PTPRN2: variants seen among roughly 807,000 people sequenced by gnomAD.
PTPRN2 encodes protein tyrosine phosphatase receptor type N2, also known as receptor-type tyrosine-protein phosphatase N2.
PTPRN2 carries 74 observed loss-of-function variants against 118.8 expected under a neutral mutation model. The observed-to-expected ratio is 0.62, with a 90% confidence interval of 0.52 to 0.76. The LOEUF (loss-of-function observed/expected upper bound fraction) is 0.76, where lower values mean the gene tolerates loss of function less well. Among genes scored for constraint, PTPRN2 ranks in the 30% least tolerant of loss-of-function variants. PTPRN2 has a pLI of 0.00. For synonymous variants in PTPRN2, 641 were observed against 608.0 expected (o/e 1.05, Z -0.80); for missense variants, 1,481 against 1,394.4 (o/e 1.06, Z -0.99).
At chr7:158,510,091 TGA>T (rs1199738642) in intron 1 of PTPRN2, among the ~76,000 whole-genome samples, 1 of 152,216 alleles carries the variant, frequency 6.6e-6, no homozygotes, top group Non-Finnish European at 1.5e-5. Flanking sequence ...GGAGACACCC[TGA>T]GAGAGACACC....
At chr7:158,564,331 A>G (rs1827550629) in intron 1 of PTPRN2, among the ~76,000 whole-genome samples, 1 of 152,274 alleles carries the variant, frequency 6.6e-6, no homozygotes, top group African/African-American at 2.4e-5. Context: ...GTTTGTAAGG[A>G]AAATTCCTAG....
At chr7:158,477,788 C>T (rs888291767) in intron 2 of PTPRN2, among the ~76,000 whole-genome samples, 30 of 152,236 alleles carry the variant, frequency 2.0e-4, no homozygotes, top group Admixed American at 1.2e-3. Context: ...TTCAGCCTGG[C>T]CTGGGATGTG....
chr7:158,171,238 T>TATATAC lies in PTPRN2; in HGVS notation c.550-3948_550-3947insGTATAT, dbSNP rs1563555147. Among the ~76,000 whole-genome samples, 216 of 63,938 alleles carry TATATAC rather than the reference T, an allele frequency of 3.4e-3. 19 individuals carry two copies. Among genetic ancestry groups the TATATAC allele is most frequent in the African/African-American group, 0.011 (190 of 17,956 alleles). The allele number at this position is 63,938 out of a possible 152,430, so 41.9% of individuals were successfully genotyped here. A position where few individuals can be genotyped will look rare whatever the true frequency, so the allele number is the denominator to read the frequency against. ...ACACACATATATACACACATATATA[T>TATATAC]ACACATATATACACACATATATATA... On this transcript the variant is annotated intron_variant, in intron 5 of 22. Transcript: ENST00000389418.
rs1418489882 is a variant in PTPRN2 at position 158,335,333 on chromosome 7, C to A, written c.164-18401G>T. On this transcript the variant is annotated intron_variant, in intron 2 of 22. Coordinates refer to ENST00000389418, the MANE Select transcript of PTPRN2 (RefSeq NM_002847.5). ...GAGGACACTCACACCCATACTCTCA[C>A]CATAAGAGGTGACACCTGCAGATAT... 3.5e-4 allele frequency among the ~76,000 whole-genome samples: 6 copies of A among 17,378 alleles called. 2 individuals carry two copies. The highest frequency in any genetic ancestry group is 1.1e-3 in the Non-Finnish European group (6 of 5,502). The allele number at this position is 17,378 out of a possible 152,430, so 11.4% of individuals were successfully genotyped here. A position where few individuals can be genotyped will look rare whatever the true frequency, so the allele number is the denominator to read the frequency against.
chr7:158,184,903 C>T (rs1355928368), intron 5 of PTPRN2, among the ~76,000 whole-genome samples: 1 of 152,196 alleles, frequency 6.6e-6, no homozygotes, highest in African/African-American at 2.4e-5. Flanking sequence ...AAGTGGAAAG[C>T]ATTCAGCCCT....
intron 2 of PTPRN2, among the ~76,000 whole-genome samples, chr7:158,432,285 A>C (rs934350154): frequency 6.6e-6 from 1 of 152,240 alleles, no homozygotes; most frequent in Non-Finnish European, 1.5e-5. Flanking sequence ...GGGCGAAAGC[A>C]CCGGGCGCTC....
chr7:157,835,373 T>C (rs1807860039), intron 12 of PTPRN2, among the ~76,000 whole-genome samples: 1 of 152,050 alleles, frequency 6.6e-6, no homozygotes, highest in Non-Finnish European at 1.5e-5. Flanking sequence ...TGTGAGGAAA[T>C]TAAAACTACA....
At chr7:158,461,692 C>G (rs1203513253) in intron 2 of PTPRN2, among the ~76,000 whole-genome samples, 1 of 152,192 alleles carries the variant, frequency 6.6e-6, no homozygotes, top group Admixed American at 6.5e-5. Flanking sequence ...GAGCATTTCC[C>G]GGAACCATGG....
At chr7:158,050,926 A>C (rs1161691858) in intron 11 of PTPRN2, among the ~76,000 whole-genome samples, 2 of 152,160 alleles carry the variant, frequency 1.3e-5, no homozygotes, top group African/African-American at 2.4e-5. Context: ...TGCTCTCCCC[A>C]CGGCAGGAGT....
At chr7:158,396,654 T>A (rs1449040979) in intron 2 of PTPRN2, among the ~76,000 whole-genome samples, 1 of 150,186 alleles carries the variant, frequency 6.7e-6, no homozygotes, top group African/African-American at 2.5e-5. Context: ...TCTCACAGGG[T>A]AGGCTTGTGT....
chr7:157,890,442 C>T (rs1327774900), intron 12 of PTPRN2, among the ~76,000 whole-genome samples: 1 of 152,132 alleles, frequency 6.6e-6, no homozygotes, highest in Non-Finnish European at 1.5e-5. Flanking sequence ...GACATCAAAA[C>T]CATCCTGGCT....
intron 11 of PTPRN2, among the ~76,000 whole-genome samples, chr7:157,979,814 A>G (rs12111664): frequency 0.06 from 9,075 of 152,284 alleles, 315 homozygotes; most frequent in South Asian, 0.14. Flanking sequence ...ATGCACAGGC[A>G]TAAGAGGTCC....
chr7:158,530,500 A>G (rs978486385), intron 1 of PTPRN2, among the ~76,000 whole-genome samples: 1 of 152,160 alleles, frequency 6.6e-6, no homozygotes, highest in Non-Finnish European at 1.5e-5. Flanking sequence ...GCACTGGGAC[A>G]GGGAGCTCTG....
At chr7:157,972,060 A>G (rs1802370905) in intron 11 of PTPRN2, among the ~76,000 whole-genome samples, 1 of 152,200 alleles carries the variant, frequency 6.6e-6, no homozygotes. Context: ...CAGAGGGCAA[A>G]TCGTGCGCTG....
At chr7:157,636,073 T>G (rs1585146494) in intron 14 of PTPRN2, among the ~76,000 whole-genome samples, 1 of 152,350 alleles carries the variant, frequency 6.6e-6, no homozygotes, top group South Asian at 2.1e-4. Context: ...ATAAGAAAGA[T>G]TAACAATTTC....
At chr7:158,111,404 G>A (rs997874121) in intron 9 of PTPRN2, among the ~76,000 whole-genome samples, 10 of 152,144 alleles carry the variant, frequency 6.6e-5, no homozygotes, top group Non-Finnish European at 8.8e-5. Flanking sequence ...GGGCACTCCC[G>A]GAAGGCACTG....
intron 13 of PTPRN2, among the ~76,000 whole-genome samples, chr7:157,665,406 C>A (rs889182539): frequency 1.3e-5 from 2 of 152,334 alleles, no homozygotes; most frequent in South Asian, 4.1e-4. Context: ...GATGTAACCA[C>A]ATAACTCTTT....
Position 158,570,950 on chromosome 7 carries a change from C to A in PTPRN2, c.112+16608G>T, listed in dbSNP as rs1827993364. Among the ~76,000 whole-genome samples, 1 of 152,224 alleles carries A rather than the reference C, an allele frequency of 6.6e-6. No individual in the cohort carries two copies. The highest frequency in any genetic ancestry group is 6.5e-5 in the Admixed American group (1 of 15,292). On this transcript the variant is annotated intron_variant, in intron 1 of 22. Transcript: ENST00000389418. This position sits in a 1 kb window ranked among gnomAD's most constrained non-coding sequence, Gnocchi z 4.5. ...CCCCTGCAGAGCAAAGCCCGGGTCCCGGATGGCAAAGCCATACGCAGGAGC... is the reference window on the plus strand; with the variant it reads ...CCCCTGCAGAGCAAAGCCCGGGTCCAGGATGGCAAAGCCATACGCAGGAGC...
chr7:157,683,691 T>C (rs1030143507), intron 12 of PTPRN2, among the ~76,000 whole-genome samples: 6 of 152,104 alleles, frequency 3.9e-5, no homozygotes, highest in African/African-American at 1.2e-4. Flanking sequence ...GTAGGGCTGG[T>C]GAAAATATGA....
Sources: gnomAD v4.1 joint callset for allele counts (sites outside exome capture counted in the v4.1 genomes callset) on GRCh38, gnomAD v4.1.1 for gene constraint, Gnocchi (gnomAD v3.1) non-coding constraint, MANE v1.5 for transcripts, NCBI Gene and HGNC (gene_info 2026-07-23, HGNC 2026-07-21) for gene names.